The following ENOPH1 variants were observed in gnomAD, a reference collection of about 807,000 sequenced individuals.
ENOPH1 encodes the protein enolase-phosphatase E1.
In ENOPH1, 14 loss-of-function variants were observed where a neutral mutation model predicts 31.1. The ratio of observed to expected loss-of-function variants is 0.45; its 90% CI spans 0.30 to 0.70. The LOEUF (loss-of-function observed/expected upper bound fraction) is 0.70. Ranked by LOEUF, ENOPH1 falls within the 30% of genes least tolerant of loss-of-function variation. The probability of loss-of-function intolerance (pLI) is 0.09; values close to 1 mark genes in which losing one functional copy is unlikely to be tolerated. For synonymous variants in ENOPH1, 127 were observed against 123.2 expected, an observed-to-expected ratio of 1.03 and a Z score of -0.21; for missense variants, 243 against 321.5, an observed-to-expected ratio of 0.76 and a Z score of 1.87.
At chr4:82,432,732 G>A (rs759052932) in intron 1 of ENOPH1, among the ~76,000 whole-genome samples, 26 of 152,096 alleles carry the variant, frequency 1.7e-4, no homozygotes, top group Non-Finnish European at 2.9e-4. Flanking sequence ...CTCTGCTTCC[G>A]GGGTTCAAGC....
In ENOPH1 at chr4:82,460,222, CACATATGTAT is replaced by C. The variant is rs1431507984; in HGVS notation, c.*103_*112del. On this transcript the variant is annotated 3_prime_UTR_variant, in exon 6 of 6. Coordinates refer to ENST00000273920, the MANE Select transcript of ENOPH1 (RefSeq NM_021204.5). ...GTAACTTACTTAAAAAACATATGTA[CACATATGTAT>C]GCAAGTATGTATATATGTGTATGCT... The C allele has an allele frequency of 1.2e-5, 14 of 1,159,878 alleles. No individual in the cohort carries two copies. The highest frequency in any genetic ancestry group is 1.6e-5 in the Non-Finnish European group (13 of 793,440). The allele number at this position is 1,159,878 out of a possible 1,614,324, so 71.8% of individuals were successfully genotyped here. A position where few individuals can be genotyped will look rare whatever the true frequency, so the allele number is the denominator to read the frequency against.
chr4:82,447,339 G>T (rs1722221856), intron 1 of ENOPH1, among the ~76,000 whole-genome samples: 1 of 152,124 alleles, frequency 6.6e-6, no homozygotes, highest in Non-Finnish European at 1.5e-5. Context: ...CCAAGAAAGA[G>T]TCATGGTGAT....
intron 1 of ENOPH1, among the ~76,000 whole-genome samples, chr4:82,446,932 T>A (rs1187716446): frequency 6.6e-6 from 1 of 150,800 alleles, no homozygotes; most frequent in Non-Finnish European, 1.5e-5. Flanking sequence ...GGTCTCGATC[T>A]CCTGACCTCA....
Position 82,456,995 on chromosome 4 carries a change from G to A in ENOPH1, c.603G>A (p.Gly201=), listed in dbSNP as rs999493343. Residue 201 remains glycine (G), a synonymous_variant, in exon 5 of 6, where the codon GGG becomes GGA. Coordinates refer to ENST00000273920, the MANE Select transcript of ENOPH1 (RefSeq NM_021204.5). ...ACCGAAAGATTGCAGACAGCATTGG[G>A]TGCTCAACCAACAACATTTTGTTTC... ...ESYRKIADSI[G]CSTNNILFLT... 23 of 1,613,930 alleles carry A rather than the reference G, an allele frequency of 1.4e-5. 1 individual carries two copies. Among genetic ancestry groups the A allele is most frequent in the Non-Finnish European group, 1.7e-6 (2 of 1,179,998 alleles).
intron 3 of ENOPH1, among the ~76,000 whole-genome samples, chr4:82,452,900 CTT>C (rs761337281): frequency 1.4e-4 from 16 of 115,834 alleles, no homozygotes; most frequent in Admixed American, 8.9e-5. Flanking sequence ...CTGAGAAATT[CTT>C]TTTTTTTTTT....
Position 82,459,989 on chromosome 4 carries a change from G to C in ENOPH1, c.655G>C (p.Ala219Pro). ...CCTTTGATTTTTCACAGAGGCCAGT[G>C]CTGCTGAGGAAGCAGATGTGCACGT... ...FLTDVTREASAAEEADVHVAV... is the reference protein window; with the variant it reads ...FLTDVTREASPAEEADVHVAV... Residue 219 changes from alanine (A) to proline (P), a missense_variant, in exon 6 of 6, where the codon GCT (alanine) becomes CCT (proline). Physicochemically the swap from Ala to Pro is conservative, Grantham distance 27. Coordinates refer to ENST00000273920, the MANE Select transcript of ENOPH1 (RefSeq NM_021204.5). 1.2e-6 allele frequency: 2 copies of C among 1,613,790 alleles called. No individual in the cohort carries two copies. The highest frequency in any genetic ancestry group is 1.7e-6 in the Non-Finnish European group (2 of 1,180,016).
At chr4:82,456,549 C>G (rs1188254449) in intron 4 of ENOPH1, among the ~76,000 whole-genome samples, 7 of 152,264 alleles carry the variant, frequency 4.6e-5, no homozygotes, top group Admixed American at 2.6e-4. Context: ...GGACAGTGTT[C>G]AGAATCTTTC....
chr4:82,446,545 G>A (rs1722188924), intron 1 of ENOPH1, among the ~76,000 whole-genome samples: 1 of 152,122 alleles, frequency 6.6e-6, no homozygotes. Context: ...TGGCTCAGGA[G>A]CATAAGTTGT....
intron 1 of ENOPH1, among the ~76,000 whole-genome samples, chr4:82,444,152 G>C (rs1722118988): frequency 6.6e-6 from 1 of 152,224 alleles, no homozygotes. Flanking sequence ...TGGGATTACA[G>C]GCGTGGGCCA....
At chr4:82,442,101 A>G (rs1433256389) in intron 1 of ENOPH1, among the ~76,000 whole-genome samples, 2 of 152,242 alleles carry the variant, frequency 1.3e-5, no homozygotes, top group Non-Finnish European at 2.9e-5. Flanking sequence ...GGATTTTGCT[A>G]AATTCTTCAG....
At chr4:82,450,991 A>G in intron 2 of ENOPH1, 52 bp from the exon 3 acceptor site, 5 of 1,520,134 alleles carry the variant, frequency 3.3e-6, no homozygotes, top group Non-Finnish European at 3.6e-6. Context: ...GTTTTAAATG[A>G]CTGTTTTTTG....
At chr4:82,437,703 A>G (rs761914511) in intron 1 of ENOPH1, among the ~76,000 whole-genome samples, 5 of 152,218 alleles carry the variant, frequency 3.3e-5, no homozygotes, top group Non-Finnish European at 5.9e-5. Context: ...ACTGGAGCCA[A>G]TAGCTGACTT....
chr4:82,451,020 A>C (rs761108360), intron 2 of ENOPH1, 23 bp from the exon 3 acceptor site: 1 of 1,602,084 alleles, frequency 6.2e-7, no homozygotes, highest in Non-Finnish European at 8.5e-7. Flanking sequence ...AAAAACAAAC[A>C]TCATGTTGTT....
intron 3 of ENOPH1, among the ~76,000 whole-genome samples, chr4:82,452,119 T>A (rs553628989): frequency 1.3e-5 from 2 of 151,834 alleles, no homozygotes; most frequent in African/African-American, 4.8e-5. Context: ...TGCTCTGTGA[T>A]CCACACTGGA....
chr4:82,439,512 G>A (rs1159147992), intron 1 of ENOPH1, among the ~76,000 whole-genome samples: 1 of 152,078 alleles, frequency 6.6e-6, no homozygotes, highest in Non-Finnish European at 1.5e-5. Flanking sequence ...CCTTTGATGG[G>A]GGTAAAGAGT....
chr4:82,435,918 T>G (rs1721893463), intron 1 of ENOPH1, among the ~76,000 whole-genome samples: 1 of 152,154 alleles, frequency 6.6e-6, no homozygotes, highest in Non-Finnish European at 1.5e-5. Context: ...AAGGTGGTGA[T>G]GAAGGTTAAA....
intron 1 of ENOPH1, among the ~76,000 whole-genome samples, chr4:82,445,518 C>T (rs1722153112): frequency 6.6e-6 from 1 of 152,126 alleles, no homozygotes; most frequent in African/African-American, 2.4e-5. Flanking sequence ...TGCAGTGGTG[C>T]AATCACAGCT....
At chr4:82,456,181 A>G (rs1438241215) in intron 4 of ENOPH1, among the ~76,000 whole-genome samples, 1 of 148,924 alleles carries the variant, frequency 6.7e-6, no homozygotes, top group Non-Finnish European at 1.5e-5. Flanking sequence ...AAGCAAAATC[A>G]GTTTTAACTT....
intron 5 of ENOPH1, among the ~76,000 whole-genome samples, chr4:82,458,748 A>G (rs1050612346): frequency 5.3e-5 from 8 of 152,316 alleles, no homozygotes; most frequent in Non-Finnish European, 1.2e-4. Context: ...TGCTCAGGGC[A>G]GTCAGGCTAG....
Sources: gnomAD v4.1 joint callset for allele counts (sites outside exome capture counted in the v4.1 genomes callset) on GRCh38, gnomAD v4.1.1 for gene constraint, MANE v1.5 for transcripts, NCBI Gene and HGNC (gene_info 2026-07-23, HGNC 2026-07-21) for gene names.